The following RB1 variants were observed in gnomAD, a reference collection of about 807,000 sequenced individuals.
RB1 encodes the protein retinoblastoma-associated protein.
Under a neutral mutation model 135.4 loss-of-function variants are expected in RB1, and 18 were observed. The observed-to-expected ratio is 0.13, with a 90% CI of 0.09 to 0.20. The LOEUF is 0.20. Ranked by LOEUF, RB1 falls within the 10% of genes least tolerant of loss-of-function variation. RB1 has a pLI of 1.00. For synonymous variants in RB1, 365 were observed against 373.2 expected (o/e 0.98, Z 0.25); for missense variants, 868 against 1,110.0 (o/e 0.78, Z 3.10).
chr13:48,327,978 A>T (rs1952302255), intron 2 of RB1: 1 of 561,310 alleles, frequency 1.8e-6, no homozygotes, highest in African/African-American at 1.9e-5. Flanking sequence ...ATGAAAAAGA[A>T]AAAAAAAGTG....
intron 17 of RB1, among the ~76,000 whole-genome samples, chr13:48,392,523 C>T (rs1948618898): frequency 6.6e-6 from 1 of 152,042 alleles, no homozygotes; most frequent in Non-Finnish European, 1.5e-5. Context: ...TCTGAGGTAT[C>T]TAATCTGCTA....
chr13:48,440,141 C>T (rs1181443918), intron 17 of RB1, among the ~76,000 whole-genome samples: 1 of 152,032 alleles, frequency 6.6e-6, no homozygotes, highest in Non-Finnish European at 1.5e-5. Flanking sequence ...AAAAGGGAAA[C>T]CTGGCATGCA....
In RB1 at chr13:48,382,567, T is replaced by A. The variant is rs548823948; in HGVS notation, c.1695+1124T>A. Reference sequence around the variant, plus strand: ...GTTGATTTTTTCTTGTAAATTTGTTTGAGTTCTTTGTAGATTCTGGATATT... The same window carrying A: ...GTTGATTTTTTCTTGTAAATTTGTTAGAGTTCTTTGTAGATTCTGGATATT... On this transcript the variant is annotated intron_variant, in intron 17 of 26. Transcript: ENST00000267163. Among the ~76,000 whole-genome samples the A allele has an allele frequency of 1.4e-4, 21 of 152,348 alleles. No homozygotes were observed. The South Asian group carries it at 4.3e-3, about 32-fold the overall frequency.
chr13:48,346,362 T>C (rs1555283316), intron 4 of RB1, among the ~76,000 whole-genome samples: 1 of 126,298 alleles, frequency 7.9e-6, no homozygotes, highest in Non-Finnish European at 1.7e-5. Context: ...GAGTAGAATA[T>C]TATATATATG....
In RB1 at chr13:48,456,322, ACC is replaced by A; in HGVS notation, c.1934_1935del (p.Thr645IlefsTer7). On this transcript the variant is annotated frameshift_variant, in exon 19 of 27. Transcript: ENST00000267163. LOFTEE classifies it high-confidence loss of function. ...AFQTQKPLKSTSLSLFYKKVY... is the reference protein window; with the variant it reads ...AFQTQKPLKSXSLSLFYKKVY... ...CCAGACCCAGAAGCCATTGAAATCT[ACC>A]TCTCTTTCACTGTTTTATAAAAAAG... The A allele has an allele frequency of 6.2e-7, 1 of 1,614,140 alleles. No homozygotes were observed. The highest frequency in any genetic ancestry group is 8.5e-7 in the Non-Finnish European group (1 of 1,180,010).
chr13:48,431,434 T>A (rs1282880034), intron 17 of RB1, among the ~76,000 whole-genome samples: 1 of 152,218 alleles, frequency 6.6e-6, no homozygotes, highest in Admixed American at 6.5e-5. Flanking sequence ...AATGTTTCGC[T>A]CTTAACCCAC....
chr13:48,426,243 A>G (rs1949077718), intron 17 of RB1, among the ~76,000 whole-genome samples: 1 of 152,232 alleles, frequency 6.6e-6, no homozygotes, highest in African/African-American at 2.4e-5. Flanking sequence ...ATTATAGATG[A>G]CATCACCTAT....
Position 48,453,019 on chromosome 13 carries a change from A to G in RB1, c.1722A>G (p.Lys574=), listed in dbSNP as rs1171421079. 1.2e-6 allele frequency: 2 copies of G among 1,613,096 alleles called. No homozygotes were observed. Among genetic ancestry groups the G allele is most frequent in the Non-Finnish European group, 8.5e-7 (1 of 1,179,604 alleles). ...LSDSPLFDLI[K]QSKDREGPTD... is the part of the protein sequence containing the mutation. ...ATTCACCTTTATTTGATCTTATTAA[A>G]CAATCAAAGGACCGAGAAGGACCAA... is the stretch of plus-strand genomic sequence containing the variant. The change falls in exon 18 of 27, where the codon AAA becomes AAG. Residue 574 remains lysine, a synonymous_variant. Coordinates refer to ENST00000267163, the MANE Select transcript of RB1 (RefSeq NM_000321.3).
intron 2 of RB1, among the ~76,000 whole-genome samples, chr13:48,320,982 T>A (rs1434101336): frequency 6.6e-6 from 1 of 152,200 alleles, no homozygotes; most frequent in Admixed American, 6.5e-5. Context: ...CAACGAGCTC[T>A]TGAAATTCTC....
At chr13:48,405,220 C>T (rs574693374) in intron 17 of RB1, among the ~76,000 whole-genome samples, 1 of 152,232 alleles carries the variant, frequency 6.6e-6, no homozygotes, top group African/African-American at 2.4e-5. Context: ...ATAAAGAATG[C>T]CTTCAACAAC....
At chr13:48,479,944 G>A (rs1199110122) in intron 26 of RB1, 54 bp from the exon 27 acceptor site, 2 of 1,470,464 alleles carry the variant, frequency 1.4e-6, no homozygotes, top group Admixed American at 3.4e-5. Flanking sequence ...GCAGCCACTT[G>A]CCAACTTACC....
At chr13:48,472,553 A>G (rs1949477841) in intron 23 of RB1, among the ~76,000 whole-genome samples, 2 of 152,124 alleles carry the variant, frequency 1.3e-5, no homozygotes, top group African/African-American at 4.8e-5. Flanking sequence ...TATTATGGTG[A>G]TAATGATGGC....
At chr13:48,329,372 A>G (rs926911698) in intron 2 of RB1, among the ~76,000 whole-genome samples, 15 of 152,286 alleles carry the variant, frequency 9.8e-5, no homozygotes, top group African/African-American at 3.6e-4. Context: ...TTATTAAGTA[A>G]TTATTTTCCC....
chr13:48,466,028 G>A (rs1050500536), intron 23 of RB1, among the ~76,000 whole-genome samples: 138 of 149,982 alleles, frequency 9.2e-4, no homozygotes, highest in Non-Finnish European at 1.5e-3. Flanking sequence ...CAAAGCAGCC[G>A]GGAAGCTCGA....
At chr13:48,411,724 G>A (rs1206069186) in intron 17 of RB1, 24 of 1,605,052 alleles carry the variant, frequency 1.5e-5, no homozygotes, top group Non-Finnish European at 1.9e-5. Flanking sequence ...ATGATCAAAT[G>A]TACAAAAATC....
intron 2 of RB1, among the ~76,000 whole-genome samples, chr13:48,315,658 T>C (rs557054918): frequency 2.2e-3 from 338 of 152,362 alleles, no homozygotes; most frequent in Non-Finnish European, 4.2e-3. Flanking sequence ...GGCTGTGGAT[T>C]TGTCATAGAT....
intron 1 of RB1, among the ~76,000 whole-genome samples, 175 bp from the exon 2 acceptor site, chr13:48,307,105 A>T (rs1308617919): frequency 1.3e-5 from 2 of 152,258 alleles, no homozygotes; most frequent in African/African-American, 4.8e-5. Context: ...TGAAAAAGAT[A>T]ATCATATGTT....
chr13:48,369,686 G>A (rs907221589), intron 11 of RB1, among the ~76,000 whole-genome samples: 3 of 151,994 alleles, frequency 2.0e-5, no homozygotes, highest in Non-Finnish European at 2.9e-5. Context: ...GAAAACCCTC[G>A]TACTTGATAT....
At chr13:48,386,522 G>A (rs1173868151) in intron 17 of RB1, among the ~76,000 whole-genome samples, 2 of 152,042 alleles carry the variant, frequency 1.3e-5, no homozygotes, top group South Asian at 2.1e-4. Context: ...CACTCTTTTC[G>A]TGAAACACAT....
Sources: allele counts gnomAD v4.1 joint callset (sites outside exome capture counted in the v4.1 genomes callset), GRCh38; gene constraint gnomAD v4.1.1; transcripts MANE v1.5; gene names NCBI Gene and HGNC (gene_info 2026-07-23, HGNC 2026-07-21).